The following WDR7 variants were observed in gnomAD, a reference collection of about 807,000 sequenced individuals.
The protein encoded by WDR7 is WD repeat domain 7, also known as WD repeat-containing protein 7.
In WDR7, 46 loss-of-function variants were observed where a neutral mutation model predicts 169.4. The ratio of observed to expected loss-of-function variants is 0.27; its 90% CI spans 0.21 to 0.35. The LOEUF is 0.35. Among genes scored for constraint, WDR7 ranks in the 10% least tolerant of loss-of-function variants. The probability of loss-of-function intolerance (pLI) is 1.00; values close to 1 mark genes in which losing one functional copy is unlikely to be tolerated. For missense variants in WDR7, 1,534 were observed against 1,859.3 expected (o/e 0.83, Z 3.22); for synonymous variants, 612 against 666.8 (o/e 0.92, Z 1.27).
intron 2 of WDR7, among the ~76,000 whole-genome samples, 153 bp from the exon 3 acceptor site, chr18:56,679,179 C>T (rs760807707): frequency 6.6e-5 from 10 of 152,160 alleles, no homozygotes; most frequent in Non-Finnish European, 1.2e-4. Context: ...TTCTCCCAGG[C>T]GGCTCCAGCA....
At chr18:56,820,406 C>T (rs2045074218) in intron 20 of WDR7, among the ~76,000 whole-genome samples, 1 of 131,686 alleles carries the variant, frequency 7.6e-6, no homozygotes, top group Non-Finnish European at 1.6e-5. Context: ...ACAGATTCAA[C>T]TACAAAAGCA....
At position 56,718,167 on chromosome 18, in the gene WDR7, C is replaced by A; in HGVS notation, c.1774+8C>A. Reference sequence around the variant, plus strand: ...TCTGGCAAATGGATACTGGTAAGAACAAGTATGAAGAGATACTATAGAAAA... The same window carrying A: ...TCTGGCAAATGGATACTGGTAAGAAAAAGTATGAAGAGATACTATAGAAAA... On this transcript the variant is annotated splice_region_variant and intron_variant, in intron 13 of 27. Coordinates refer to ENST00000254442, the MANE Select transcript of WDR7 (RefSeq NM_015285.3). The A allele has an allele frequency of 6.3e-7, 1 of 1,596,112 alleles. No homozygotes were observed. Among genetic ancestry groups the A allele is most frequent in the East Asian group, 2.3e-5 (1 of 44,104 alleles).
chr18:56,738,289 G>A (rs2026744371), intron 14 of WDR7, among the ~76,000 whole-genome samples: 1 of 152,056 alleles, frequency 6.6e-6, no homozygotes, highest in Non-Finnish European at 1.5e-5. Context: ...TTAAAACTTG[G>A]CCAGGCACGG....
At chr18:56,841,525 G>A (rs367941516) in intron 20 of WDR7, among the ~76,000 whole-genome samples, 8 of 148,994 alleles carry the variant, frequency 5.4e-5, no homozygotes, top group Admixed American at 4.0e-4. Context: ...CAGCCTGGAC[G>A]ACAGAGTGAG....
chr18:56,858,047 C>G (rs1297034431), intron 20 of WDR7, among the ~76,000 whole-genome samples: 1 of 152,154 alleles, frequency 6.6e-6, no homozygotes, highest in Non-Finnish European at 1.5e-5. Flanking sequence ...CCAGCTTTCT[C>G]TCTCCAGATC....
chr18:56,696,892 T>TA (rs1444695531), intron 12 of WDR7, among the ~76,000 whole-genome samples: 2 of 152,298 alleles, frequency 1.3e-5, no homozygotes, highest in Non-Finnish European at 2.9e-5. Flanking sequence ...TTCACTTAAA[T>TA]AAAAAATTGT....
intron 21 of WDR7, among the ~76,000 whole-genome samples, chr18:56,899,654 T>C (rs1012796807): frequency 1.3e-5 from 2 of 152,094 alleles, no homozygotes; most frequent in Non-Finnish European, 2.9e-5. Context: ...CCATGGGAAT[T>C]AGATCCCAGT....
chr18:56,890,781 A>T (rs1302182488), intron 21 of WDR7: 1 of 152,066 alleles, frequency 6.6e-6, no homozygotes. Flanking sequence ...CAGTGCACTA[A>T]CTCAGCGTCC....
intron 20 of WDR7, among the ~76,000 whole-genome samples, chr18:56,845,173 CTA>C (rs2045548991): frequency 6.6e-6 from 1 of 152,018 alleles, no homozygotes; most frequent in African/African-American, 2.4e-5. Context: ...ATGTCCCACT[CTA>C]TGCAGTTATG....
chr18:56,850,977 TTCTC>T (rs1207830266), intron 20 of WDR7, among the ~76,000 whole-genome samples: 8 of 152,128 alleles, frequency 5.3e-5, no homozygotes, highest in Non-Finnish European at 1.0e-4. Context: ...ATGTTGTTGG[TTCTC>T]TCTATTAAAT....
intron 21 of WDR7, among the ~76,000 whole-genome samples, chr18:56,909,084 G>A (rs2046519324): frequency 6.6e-6 from 1 of 152,112 alleles, no homozygotes; most frequent in South Asian, 2.1e-4. Flanking sequence ...TCAAGAATAG[G>A]TCTTACCTCT....
chr18:56,694,685 A>T lies in WDR7; in HGVS notation c.1033A>T (p.Ile345Phe). 6.2e-7 allele frequency: 1 copy of T among 1,613,482 alleles called. No homozygotes were observed. ...CAGAGAATATTTCCATAAACTGTTA[A>T]TTCAGGGTGATTCTTCTGGAAGGTT... ...GCREYFHKLL[I>F]QGDSSGRLNI... The change falls in exon 10 of 28, where the codon ATT becomes TTT. Residue 345 changes from isoleucine to phenylalanine, a missense_variant. By Grantham distance (21) the Ile-to-Phe change is conservative. Coordinates refer to ENST00000254442, the MANE Select transcript of WDR7 (RefSeq NM_015285.3).
intron 25 of WDR7, among the ~76,000 whole-genome samples, chr18:56,960,191 T>G (rs1244398112): frequency 1.3e-5 from 2 of 152,162 alleles, no homozygotes; most frequent in African/African-American, 4.8e-5. Context: ...AAGTAACGAT[T>G]TGATTCCAGG....
chr18:56,774,052 T>C (rs1415239221), intron 16 of WDR7, among the ~76,000 whole-genome samples: 1 of 152,128 alleles, frequency 6.6e-6, no homozygotes, highest in Non-Finnish European at 1.5e-5. Flanking sequence ...TTTTGTACTT[T>C]AAAAATTTTT....
At position 56,654,576 on chromosome 18, in the gene WDR7, A is replaced by G. The variant is rs1405917181; in HGVS notation, c.-20+3000A>G. On this transcript the variant is annotated intron_variant, in intron 1 of 27. Transcript: ENST00000254442. ...CATTTCTTGTATTCCATAGATACTA[A>G]TCATTTAAGTATTACAAGTGTATCT... Among the ~76,000 whole-genome samples the G allele has an allele frequency of 2.0e-5, 3 of 152,186 alleles. No individual in the cohort carries two copies. The East Asian group carries it at 5.8e-4, about 29-fold the overall frequency.
intron 14 of WDR7, among the ~76,000 whole-genome samples, chr18:56,753,490 G>A (rs1288675225): frequency 1.3e-5 from 2 of 152,114 alleles, no homozygotes; most frequent in African/African-American, 4.8e-5. Context: ...ATATAAATGT[G>A]GCAAAGACAT....
intron 21 of WDR7, among the ~76,000 whole-genome samples, chr18:56,900,082 G>GTGTATA (rs1409730889): frequency 3.4e-3 from 109 of 32,046 alleles, no homozygotes; most frequent in African/African-American, 6.1e-3. Context: ...GTGTGTGTGT[G>GTGTATA]TATATATATA....
intron 21 of WDR7, among the ~76,000 whole-genome samples, chr18:56,905,042 G>T (rs958335286): frequency 6.6e-6 from 1 of 152,194 alleles, no homozygotes; most frequent in African/African-American, 2.4e-5. Flanking sequence ...TAGGACTTTG[G>T]TGAAGACAAT....
intron 21 of WDR7, among the ~76,000 whole-genome samples, chr18:56,898,142 C>T (rs951320065): frequency 6.6e-6 from 1 of 151,782 alleles, no homozygotes; most frequent in African/African-American, 2.4e-5. Context: ...GGACATGGGA[C>T]CAACCTGAAG....
Sources: allele counts gnomAD v4.1 joint callset (sites outside exome capture counted in the v4.1 genomes callset), GRCh38; gene constraint gnomAD v4.1.1; transcripts MANE v1.5; gene names NCBI Gene and HGNC (gene_info 2026-07-23, HGNC 2026-07-21).